The following STRN3 variants were observed in gnomAD, a reference collection of about 807,000 sequenced individuals.
STRN3 encodes striatin-3.
In STRN3, 29 loss-of-function variants were observed where a neutral mutation model predicts 95.6. That is an observed-to-expected ratio of 0.30 (90% confidence interval 0.23 to 0.41). The LOEUF is 0.41. Among genes scored for constraint, STRN3 ranks in the 10% least tolerant of loss-of-function variants. The pLI, the probability that STRN3 is intolerant of heterozygous loss-of-function variation, is 1.00. For synonymous variants in STRN3, 331 were observed against 357.6 expected (o/e 0.93, Z 0.84); for missense variants, 890 against 972.1 (o/e 0.92, Z 1.12).
Position 30,985,394 on chromosome 14 carries a change from G to A in STRN3, c.283-29152C>T, listed in dbSNP as rs141053088. Among the ~76,000 whole-genome samples, 31 of 151,470 alleles carry A rather than the reference G, an allele frequency of 2.0e-4. No homozygotes were observed. In the East Asian group the frequency reaches 5.8e-3, roughly 29 times the overall value. ...CGAGGCAGGTGGATGACCTGAGGTC[G>A]GGAGTTCGAGACCAACCTGGCCAAC... is the stretch of plus-strand genomic sequence containing the variant. On this transcript the variant is annotated intron_variant, in intron 1 of 17. Coordinates refer to ENST00000357479, the MANE Select transcript of STRN3 (RefSeq NM_001083893.2).
At chr14:30,953,876 G>A (rs1357149558) in intron 3 of STRN3, among the ~76,000 whole-genome samples, 11 of 152,086 alleles carry the variant, frequency 7.2e-5, no homozygotes, top group East Asian at 1.9e-4. Context: ...GTGATCCAAC[G>A]CCTCGGCTTC....
intron 1 of STRN3, among the ~76,000 whole-genome samples, chr14:30,961,930 C>A (rs1180120448): frequency 6.6e-6 from 1 of 152,018 alleles, no homozygotes; most frequent in Non-Finnish European, 1.5e-5. Flanking sequence ...AGAGTGTATT[C>A]CTACCTATAA....
chr14:31,009,987 C>T (rs1882894812), intron 1 of STRN3, among the ~76,000 whole-genome samples: 1 of 152,100 alleles, frequency 6.6e-6, no homozygotes, highest in South Asian at 2.1e-4. Flanking sequence ...CCTCTAGTCC[C>T]TGCTTCTGAG....
intron 5 of STRN3, among the ~76,000 whole-genome samples, chr14:30,941,980 C>T (rs1176862176): frequency 2.6e-5 from 4 of 152,144 alleles, no homozygotes; most frequent in African/African-American, 9.7e-5. Flanking sequence ...CTATTTAAAC[C>T]TCACTGAATA....
intron 7 of STRN3, among the ~76,000 whole-genome samples, chr14:30,930,847 G>C (rs1277037440): frequency 6.6e-6 from 1 of 152,006 alleles, no homozygotes; most frequent in African/African-American, 2.4e-5. Flanking sequence ...TCATCTTAAT[G>C]AAGTTAATAA....
At chr14:31,023,987 AAAGC>A (rs1005867028) in intron 1 of STRN3, among the ~76,000 whole-genome samples, 3 of 152,212 alleles carry the variant, frequency 2.0e-5, no homozygotes, top group South Asian at 2.1e-4. Context: ...AATAGAATTG[AAAGC>A]AAGCAAGCAA....
chr14:30,918,110 T>C (rs985172851), intron 9 of STRN3, among the ~76,000 whole-genome samples: 9 of 152,334 alleles, frequency 5.9e-5, no homozygotes, highest in Admixed American at 3.9e-4. Context: ...AATTCATTAC[T>C]AGGTAGCGTA....
chr14:30,912,287 C>G (rs1896631548), intron 10 of STRN3, 105 bp from the exon 11 acceptor site: 2 of 1,082,764 alleles, frequency 1.8e-6, no homozygotes, highest in Admixed American at 5.7e-5. Context: ...ATATTTAAAA[C>G]TGTTGGCTAA....
intron 13 of STRN3, among the ~76,000 whole-genome samples, chr14:30,909,910 C>T (rs542478052): frequency 6.6e-6 from 1 of 152,224 alleles, no homozygotes; most frequent in Non-Finnish European, 1.5e-5. Flanking sequence ...TAAATCCTGT[C>T]TATTCTACCA....
intron 5 of STRN3, among the ~76,000 whole-genome samples, chr14:30,944,621 ATTTTT>A (rs58239655): frequency 8.6e-6 from 1 of 115,760 alleles, no homozygotes; most frequent in African/African-American, 3.4e-5. Context: ...ATATATACAC[ATTTTT>A]TTTTTTTTTT....
chr14:30,895,795 A>C, intron 16 of STRN3, 47 bp from the exon 17 acceptor site: 1 of 1,500,100 alleles, frequency 6.7e-7, no homozygotes, highest in Non-Finnish European at 9.1e-7. Flanking sequence ...ACAAATACTA[A>C]CTCGAGACAA....
At chr14:30,967,818 C>G (rs1189760029) in intron 1 of STRN3, among the ~76,000 whole-genome samples, 1 of 152,162 alleles carries the variant, frequency 6.6e-6, no homozygotes, top group African/African-American at 2.4e-5. Flanking sequence ...TCCCTTAACC[C>G]AGAAGGTTTC....
intron 1 of STRN3, among the ~76,000 whole-genome samples, chr14:31,004,302 TAAAAAA>T (rs75770137): frequency 7.0e-6 from 1 of 142,528 alleles, no homozygotes; most frequent in Non-Finnish European, 1.5e-5. Flanking sequence ...AAAAAAAAGT[TAAAAAA>T]AAAAAATTAG....
intron 13 of STRN3, among the ~76,000 whole-genome samples, chr14:30,908,493 A>G (rs1896525689): frequency 6.6e-6 from 1 of 152,188 alleles, no homozygotes; most frequent in South Asian, 2.1e-4. Context: ...AGGTCCCTTC[A>G]TTCTTCAGTC....
At chr14:30,993,243 A>T (rs1446794162) in intron 1 of STRN3, among the ~76,000 whole-genome samples, 1 of 134,786 alleles carries the variant, frequency 7.4e-6, no homozygotes, top group East Asian at 2.2e-4. Context: ...TGACAAAGTG[A>T]GACACTGTCT....
At chr14:30,996,314 G>A (rs776175584) in intron 1 of STRN3, among the ~76,000 whole-genome samples, 26 of 152,138 alleles carry the variant, frequency 1.7e-4, no homozygotes, top group Non-Finnish European at 3.1e-4. Context: ...GGAGCCACTA[G>A]CACAAAGTGG....
intron 13 of STRN3, 121 bp from the exon 14 acceptor site, chr14:30,907,165 TA>T: frequency 1.8e-6 from 2 of 1,098,010 alleles, no homozygotes; most frequent in Non-Finnish European, 1.3e-6. Flanking sequence ...CACAAGAAGA[TA>T]AACTAAAGTG....
intron 1 of STRN3, among the ~76,000 whole-genome samples, chr14:31,009,047 G>GA (rs1239301616): frequency 4.0e-5 from 6 of 150,738 alleles, no homozygotes; most frequent in South Asian, 2.1e-4. Context: ...TCAAAAAAAA[G>GA]AAAAAAAATT....
intron 1 of STRN3, among the ~76,000 whole-genome samples, chr14:30,986,695 A>G (rs1213520345): frequency 1.3e-5 from 2 of 152,232 alleles, no homozygotes; most frequent in Admixed American, 6.5e-5. Flanking sequence ...TACTTATTGA[A>G]TAAGTTAATG....
Sources: allele counts gnomAD v4.1 joint callset (sites outside exome capture counted in the v4.1 genomes callset), GRCh38; gene constraint gnomAD v4.1.1; transcripts MANE v1.5; gene names NCBI Gene and HGNC (gene_info 2026-07-23, HGNC 2026-07-21).